ZNF850: variants seen among roughly 807,000 people sequenced by gnomAD.
ZNF850 encodes the protein putative zinc finger protein ENSP00000330994.
A neutral mutation model predicts 11.9 loss-of-function variants in ZNF850; 2 were observed. The ratio of observed to expected loss-of-function variants is 0.17; its 90% CI spans 0.07 to 0.53. The LOEUF (loss-of-function observed/expected upper bound fraction) is 0.53, where lower values mean the gene tolerates loss of function less well. ZNF850 is among the 20% of genes least tolerant of loss of function. ZNF850 has a pLI of 0.94. For missense variants in ZNF850, 1,014 were observed against 1,316.4 expected (o/e 0.77, Z 3.55); for synonymous variants, 381 against 443.0 (o/e 0.86, Z 1.76).
At chr19:36,754,749 G>A (rs1383219775) in intron 4 of ZNF850, among the ~76,000 whole-genome samples, 1 of 151,996 alleles carries the variant, frequency 6.6e-6, no homozygotes, top group Non-Finnish European at 1.5e-5. Context: ...TAGAGATGGG[G>A]TTTCACCATC....
rs1476657478 is a variant in ZNF850, at chr19:36,744,675, C to T, written c.*3092G>A. The T allele has an allele frequency of 6.6e-6, 1 of 152,024 alleles. No homozygotes were observed. Among genetic ancestry groups the T allele is most frequent in the Non-Finnish European group, 1.5e-5 (1 of 68,018 alleles). 9.4% of individuals were successfully genotyped at this position (152,024 alleles called of 1,614,324 possible). On this transcript the variant is annotated 3_prime_UTR_variant, in exon 5 of 5. Coordinates refer to ENST00000591344, the MANE Select transcript of ZNF850 (RefSeq NM_001193552.2). ...GTAAAAAGCACTCCTCCATCTTCACCCTCTCTGTATATATTTATGTTTAAA... is the reference window on the plus strand; with the variant it reads ...GTAAAAAGCACTCCTCCATCTTCACTCTCTCTGTATATATTTATGTTTAAA...
chr19:36,755,148 T>C (rs2145960162), intron 4 of ZNF850, among the ~76,000 whole-genome samples: 1 of 152,262 alleles, frequency 6.6e-6, no homozygotes, highest in South Asian at 2.1e-4. Context: ...AATTCAGGAA[T>C]AAAAAATGGG....
chr19:36,753,941 A>G (rs1363239031), intron 4 of ZNF850, among the ~76,000 whole-genome samples: 3 of 152,106 alleles, frequency 2.0e-5, no homozygotes, highest in African/African-American at 7.2e-5. Flanking sequence ...CCTCAAATCT[A>G]AAACAGTGTA....
intron 4 of ZNF850, among the ~76,000 whole-genome samples, chr19:36,759,310 C>CA (rs1006794267): frequency 6.6e-5 from 10 of 150,972 alleles, no homozygotes; most frequent in African/African-American, 2.2e-4. Context: ...CCCATCTCTA[C>CA]AAAAAAAATT....
rs745611566 is a variant in ZNF850, at chr19:36,748,219, T to C, written c.2821A>G (p.Thr941Ala). Reference protein sequence around the residue: ...GKAFVRFSGLTKHHSIHTGEK... With the variant: ...GKAFVRFSGLAKHHSIHTGEK... ...CCAGTGTGAATACTGTGATGTTTGG[T>C]GAGTCCTGAGAAACGGACAAAGGCT... Residue 941 changes from threonine to alanine, a missense_variant, in exon 5 of 5, where the codon ACC becomes GCC. Transcript: ENST00000591344. The C allele has an allele frequency of 3.9e-6, 6 of 1,552,812 alleles. No homozygotes were observed. In the South Asian group the frequency reaches 7.1e-5, roughly 18 times the overall value.
chr19:36,756,552 G>C (rs1400304922), intron 4 of ZNF850, among the ~76,000 whole-genome samples: 1 of 152,138 alleles, frequency 6.6e-6, no homozygotes, highest in East Asian at 1.9e-4. Flanking sequence ...ACTATTTATA[G>C]ATTTACTTCA....
In ZNF850 at chr19:36,746,843, A is replaced by G. The variant is rs765656804; in HGVS notation, c.*924T>C. On this transcript the variant is annotated 3_prime_UTR_variant, in exon 5 of 5. Transcript: ENST00000591344. ...AGTCAAACATGAAAAATATAGTCAC[A>G]CTTATTTATTATAAAAAAACTATTA... The G allele has an allele frequency of 2.0e-5, 3 of 152,012 alleles. No homozygotes were observed. The highest frequency in any genetic ancestry group is 2.9e-5 in the Non-Finnish European group (2 of 68,014). The allele number at this position is 152,012 out of a possible 1,614,324, so 9.4% of individuals were successfully genotyped here. A position where few individuals can be genotyped will look rare whatever the true frequency, so the allele number is the denominator to read the frequency against.
chr19:36,747,654 C>G lies in ZNF850; in HGVS notation c.*113G>C. 1 of 1,096,538 alleles carries G rather than the reference C, an allele frequency of 9.1e-7. No individual in the cohort carries two copies. Among genetic ancestry groups the G allele is most frequent in the Non-Finnish European group, 1.2e-6 (1 of 814,458 alleles). The allele number at this position is 1,096,538 out of a possible 1,614,324, so 67.9% of individuals were successfully genotyped here. On this transcript the variant is annotated 3_prime_UTR_variant, in exon 5 of 5. Coordinates refer to ENST00000591344, the MANE Select transcript of ZNF850 (RefSeq NM_001193552.2). ...CCGTCTCAAAAAAAAAAAAAAAAGT[C>G]GTAATTCTGGAAAAAGTGAATATGA...
intron 4 of ZNF850, among the ~76,000 whole-genome samples, chr19:36,757,507 T>C (rs957906337): frequency 9.7e-5 from 14 of 144,002 alleles, no homozygotes; most frequent in Admixed American, 3.4e-4. Flanking sequence ...TAGTTTCTTT[T>C]TTTTTTTTTT....
intron 4 of ZNF850, among the ~76,000 whole-genome samples, chr19:36,759,771 C>CTA: frequency 6.6e-6 from 1 of 152,146 alleles, no homozygotes; most frequent in Non-Finnish European, 1.5e-5. Flanking sequence ...AAATAGTCAT[C>CTA]TATATCCTAC....
At chr19:36,757,050 T>C (rs1051170592) in intron 4 of ZNF850, among the ~76,000 whole-genome samples, 14 of 152,222 alleles carry the variant, frequency 9.2e-5, no homozygotes, top group Admixed American at 5.9e-4. Flanking sequence ...ATTCCAAATG[T>C]AGGCACATTT....
intron 4 of ZNF850, 21 bp downstream of exon 4, chr19:36,761,622 A>G (rs1600613446): frequency 1.4e-6 from 2 of 1,436,326 alleles, no homozygotes; most frequent in Non-Finnish European, 1.9e-6. Context: ...TGTCTTCCCC[A>G]TGTGCTCAGT....
Position 36,750,775 on chromosome 19 carries a change from A to C in ZNF850, c.265T>G (p.Ser89Ala). 1 of 1,524,604 alleles carries C rather than the reference A, an allele frequency of 6.6e-7. No homozygotes were observed. The highest frequency in any genetic ancestry group is 8.8e-7 in the Non-Finnish European group (1 of 1,140,256). 94.4% of individuals were successfully genotyped at this position (1,524,604 alleles called of 1,614,324 possible). A position where few individuals can be genotyped will look rare whatever the true frequency, so the allele number is the denominator to read the frequency against. The part of the protein sequence containing the change: ...DSEFRCKTKD[S>A]CLPKEIYEVT... The stretch of plus-strand genomic sequence containing the variant: ...TCATAGATTTCTTTTGGCAAACATG[A>C]ATCTTTGGTCTTACATCTAAACTCC... The change falls in exon 5 of 5, where the codon TCA becomes GCA. Residue 89 changes from serine to alanine, a missense_variant. Ser to Ala is a moderately conservative substitution (Grantham distance 99). Around this residue, in one of 2 missense-constraint regions of ZNF850, gnomAD observed 835 missense variants for 1,022.0 expected, o/e 0.82. Transcript: ENST00000591344.
In ZNF850 at chr19:36,749,141, A is replaced by T. The variant is rs1356477438; in HGVS notation, c.1899T>A (p.Thr633=). The T allele has an allele frequency of 6.2e-7, 1 of 1,603,972 alleles. No individual in the cohort carries two copies. The highest frequency in any genetic ancestry group is 8.5e-7 in the Non-Finnish European group (1 of 1,176,754). ...CACCAGTATGGATTTGTTGATGTTG[A>T]GTAAGTCGTAAACGAAGTCTAAAGG... ...GKAFRLRLRL[T]QHQQIHTGEK... The change falls in exon 5 of 5, where the codon ACT becomes ACA. Residue 633 remains threonine, a synonymous_variant. Coordinates refer to ENST00000591344, the MANE Select transcript of ZNF850 (RefSeq NM_001193552.2).
In ZNF850 at chr19:36,764,238, G is replaced by A. The variant is rs55858494; in HGVS notation, c.-69-1563C>T. Among the ~76,000 whole-genome samples, 435 of 152,148 alleles carry A rather than the reference G, an allele frequency of 2.9e-3. 2 individuals are homozygous for A. The highest frequency in any genetic ancestry group is 9.6e-3 in the African/African-American group (399 of 41,510). ...CCAGCCTGTGAAGGATCAAGACTCC[G>A]TCTCAAAAAATAAAATAAAGTAAAA... On this transcript the variant is annotated intron_variant, in intron 1 of 4. Transcript: ENST00000591344.
In ZNF850 at chr19:36,759,312, A is replaced by G. The variant is rs1407189807; in HGVS notation, c.235+2331T>C. 2.6e-5 allele frequency among the ~76,000 whole-genome samples: 4 copies of G among 152,056 alleles called. 1 individual carries two copies. The highest frequency in any genetic ancestry group is 6.6e-5 in the Admixed American group (1 of 15,240). On this transcript the variant is annotated intron_variant, in intron 4 of 4. Coordinates refer to ENST00000591344, the MANE Select transcript of ZNF850 (RefSeq NM_001193552.2). ...CACACAGGGAGAACCCATCTCTACA[A>G]AAAAAATTAGAAATTGACTGGGTGT...
At chr19:36,758,065 A>G (rs574161115) in intron 4 of ZNF850, among the ~76,000 whole-genome samples, 83 of 152,368 alleles carry the variant, frequency 5.4e-4, no homozygotes, top group African/African-American at 2.0e-3. Context: ...CGGCTACTGT[A>G]TGGAACAGCA....
chr19:36,759,080 TA>T (rs34625900), intron 4 of ZNF850, among the ~76,000 whole-genome samples: 57,802 of 145,518 alleles, frequency 0.4, 11,129 homozygotes, highest in African/African-American at 0.42. Context: ...AGACTCCGTC[TA>T]AAAAAAAAAA....
intron 1 of ZNF850, among the ~76,000 whole-genome samples, chr19:36,768,819 C>G (rs966517657): frequency 4.0e-5 from 6 of 151,752 alleles, no homozygotes; most frequent in African/African-American, 1.5e-4. Context: ...AAATATTAGC[C>G]CAGCATGGTG....
Sources: gnomAD v4.1 joint callset for allele counts (sites outside exome capture counted in the v4.1 genomes callset) on GRCh38, gnomAD v4.1.1 for gene constraint, gnomAD v4.1.1 regional missense constraint, MANE v1.5 for transcripts, NCBI Gene and HGNC (gene_info 2026-07-23, HGNC 2026-07-21) for gene names.